TGFB1I1: variants seen among roughly 807,000 people sequenced by gnomAD.
TGFB1I1 encodes the protein transforming growth factor beta 1 induced transcript 1, also known as transforming growth factor beta-1-induced transcript 1 protein.
Under a neutral mutation model 52.0 loss-of-function variants are expected in TGFB1I1, and 33 were observed. The observed-to-expected ratio is 0.63, with a 90% confidence interval of 0.48 to 0.85. TGFB1I1 has a LOEUF of 0.85. Ranked by LOEUF, TGFB1I1 falls within the 40% of genes least tolerant of loss-of-function variation. The pLI, the probability that TGFB1I1 is intolerant of heterozygous loss-of-function variation, is 0.00. For synonymous variants in TGFB1I1, 236 were observed against 253.3 expected (o/e 0.93, Z 0.65); for missense variants, 577 against 614.9 (o/e 0.94, Z 0.65).
chr16:31,473,055 G>A, intron 1 of TGFB1I1: 1 of 332,250 alleles, frequency 3.0e-6, no homozygotes, highest in Non-Finnish European at 4.5e-6. Context: ...GGCGGGGCCT[G>A]TGTAGGTAGA....
At position 31,476,899 on chromosome 16, in the gene TGFB1I1, G is replaced by T. The variant is rs531019937; in HGVS notation, c.1008G>T (p.Arg336=). The change falls in exon 10 of 11, where the codon CGG becomes CGT. Residue 336 remains arginine (R), a synonymous_variant. Coordinates refer to ENST00000394863, the MANE Select transcript of TGFB1I1 (RefSeq NM_001042454.3). This position sits in a 1 kb window ranked among gnomAD's most constrained non-coding sequence, Gnocchi z 7.6. Reference sequence around the variant, plus strand: ...GCGAGGGCCGCCCCTACTGCCGCCGGGACTTCCTGCAGCTGTTCGCCCCGC... The same window carrying T: ...GCGAGGGCCGCCCCTACTGCCGCCGTGACTTCCTGCAGCTGTTCGCCCCGC... ...HEREGRPYCR[R]DFLQLFAPRC... 1.4e-5 allele frequency: 23 copies of T among 1,609,966 alleles called. No homozygotes were observed. The African/African-American group carries it at 2.7e-4, about 19-fold the overall frequency.
chr16:31,476,473 C>T lies in TGFB1I1; in HGVS notation c.889-8C>T, dbSNP rs749939777. 90 of 1,610,964 alleles carry T rather than the reference C, an allele frequency of 5.6e-5. 1 individual carries two copies. In the South Asian group the frequency reaches 9.9e-4, roughly 18 times the overall value. ...AGGCCGCGCTGAGTGCCCTCTCCCT[C>T]CCTGCAGAAGATGGTGACCGCCTTG... On this transcript the variant is annotated splice_polypyrimidine_tract_variant and splice_region_variant and intron_variant, in intron 8 of 10. Transcript: ENST00000394863. The surrounding 1 kb of genome is among the most constrained non-coding windows in gnomAD (Gnocchi z 7.6).
Position 31,474,815 on chromosome 16 carries a change from A to G in TGFB1I1, c.714+58A>G. On this transcript the variant is annotated intron_variant, in intron 7 of 10. Transcript: ENST00000394863. The surrounding 1 kb of genome is among the most constrained non-coding windows in gnomAD (Gnocchi z 4.2). ...ACCTGTCACAGACCCATCTTTAGTG[A>G]GAGCTGGGCTTTATGCTGTTCCCTT... 6.6e-7 allele frequency: 1 copy of G among 1,508,978 alleles called. No homozygotes were observed. The highest frequency in any genetic ancestry group is 1.2e-5 in the South Asian group (1 of 83,956). 93.5% of individuals were successfully genotyped at this position (1,508,978 alleles called of 1,614,324 possible).
chr16:31,474,754 G>A lies in TGFB1I1; in HGVS notation c.711G>A (p.Gly237=), dbSNP rs1327979429. ...GCTCCTGCAATAAACCTATTGCTGG[G>A]CAAGTAAGTGGAGCCTTGTGAGAAG... ...LCGSCNKPIA[G]QVVTALGRAW... The change falls in exon 7 of 11, where the codon GGG becomes GGA. Residue 237 remains glycine, a synonymous_variant. Transcript: ENST00000394863. This position sits in a 1 kb window ranked among gnomAD's most constrained non-coding sequence, Gnocchi z 4.2. The A allele has an allele frequency of 6.2e-7, 1 of 1,604,240 alleles. No homozygotes were observed. Among genetic ancestry groups the A allele is most frequent in the Admixed American group, 1.7e-5 (1 of 58,178 alleles).
In TGFB1I1 at chr16:31,474,210, C is replaced by A; in HGVS notation, c.384C>A (p.Asp128Glu). Residue 128 changes from aspartate (D) to glutamate (E), a missense_variant, in exon 5 of 11, where the codon GAC becomes GAA. Asp to Glu is a conservative substitution (Grantham distance 45). Coordinates refer to ENST00000394863, the MANE Select transcript of TGFB1I1 (RefSeq NM_001042454.3). The surrounding 1 kb of genome is among the most constrained non-coding windows in gnomAD (Gnocchi z 4.2). ...TGGCTTCAGGAGAGCAGAAGGAGGACCAGTCTGAAGATAAGAAAAGACCCA... is the reference window on the plus strand; with the variant it reads ...TGGCTTCAGGAGAGCAGAAGGAGGAACAGTCTGAAGATAAGAAAAGACCCA... ...SKVASGEQKE[D>E]QSEDKKRPSL... The A allele has an allele frequency of 6.2e-7, 1 of 1,614,098 alleles. No homozygotes were observed. The highest frequency in any genetic ancestry group is 1.1e-5 in the South Asian group (1 of 91,078).
Position 31,474,501 on chromosome 16 carries a change from C to A in TGFB1I1, c.519+46C>A. The A allele has an allele frequency of 6.2e-7, 1 of 1,613,632 alleles. No individual in the cohort carries two copies. Among genetic ancestry groups the A allele is most frequent in the Non-Finnish European group, 8.5e-7 (1 of 1,179,754 alleles). Reference sequence around the variant, plus strand: ...GTGTCCATTTGTGGCTCCCCAACCCCTTCTAGACAATTCCACATCTGCTGC... The same window carrying A: ...GTGTCCATTTGTGGCTCCCCAACCCATTCTAGACAATTCCACATCTGCTGC... On this transcript the variant is annotated intron_variant, in intron 6 of 10. Transcript: ENST00000394863. The surrounding 1 kb of genome is among the most constrained non-coding windows in gnomAD (Gnocchi z 4.2).
In TGFB1I1 at chr16:31,477,509, A is replaced by AG. The variant is rs1323944760; in HGVS notation, c.1323dup (p.Ser442ValfsTer?). 1.2e-6 allele frequency: 2 copies of AG among 1,609,814 alleles called. No individual in the cohort carries two copies. Among genetic ancestry groups the AG allele is most frequent in the African/African-American group, 1.3e-5 (1 of 74,894 alleles). ...ACCTTCTGCCTGCGCCCGCTCACCA[A>AG]GGGGTCCTTCCAGGAGCGCGCCGGC... On this transcript the variant is annotated frameshift_variant, in exon 11 of 11. Transcript: ENST00000394863. LOFTEE classifies it high-confidence loss of function. This position sits in a 1 kb window ranked among gnomAD's most constrained non-coding sequence, Gnocchi z 4.7.
At position 31,477,795 on chromosome 16, in the gene TGFB1I1, C is replaced by T; in HGVS notation, c.*219C>T. 6 of 618,002 alleles carry T rather than the reference C, an allele frequency of 9.7e-6. No individual in the cohort carries two copies. The highest frequency in any genetic ancestry group is 3.2e-5 in the Admixed American group (1 of 30,916). 38.3% of individuals were successfully genotyped at this position (618,002 alleles called of 1,614,324 possible). On this transcript the variant is annotated 3_prime_UTR_variant, in exon 11 of 11. Coordinates refer to ENST00000394863, the MANE Select transcript of TGFB1I1 (RefSeq NM_001042454.3). The surrounding 1 kb of genome is among the most constrained non-coding windows in gnomAD (Gnocchi z 4.7). Reference sequence around the variant, plus strand: ...TGGATTGCACACAGACAAGAACTCCCGTGCGGGCCTCCACTCTATTCCCAC... The same window carrying T: ...TGGATTGCACACAGACAAGAACTCCTGTGCGGGCCTCCACTCTATTCCCAC...
At position 31,473,876 on chromosome 16, in the gene TGFB1I1, C is replaced by G. The variant is rs371525370; in HGVS notation, c.224C>G (p.Ala75Gly). 3 of 1,614,130 alleles carry G rather than the reference C, an allele frequency of 1.9e-6. No homozygotes were observed. Among genetic ancestry groups the G allele is most frequent in the African/African-American group, 2.7e-5 (2 of 75,050 alleles). Residue 75 changes from alanine to glycine, a missense_variant, in exon 4 of 11, where the codon GCG becomes GGG. Physicochemically the swap from Ala to Gly is moderately conservative, Grantham distance 60 (BLOSUM62 0). This residue lies in a region of TGFB1I1 where 113 missense variants were observed against 123.9 expected (regional missense o/e 0.91). Transcript: ENST00000394863. ...KPRSPKPAAP[A>G]APPFSSSSGV... ...CGGTCCCCAAAGCCTGCAGCCCCGG[C>G]GGCCCCTCCATTCTCCTCTTCCAGC... is the stretch of plus-strand genomic sequence containing the variant.
chr16:31,472,391 C>T (rs1336225076), intron 1 of TGFB1I1, 190 bp downstream of exon 1: 14 of 1,070,868 alleles, frequency 1.3e-5, no homozygotes, highest in Admixed American at 4.1e-5. Flanking sequence ...GCCGGCCGCT[C>T]CCTCCCTTCT....
chr16:31,473,084 T>C, intron 1 of TGFB1I1: 1 of 542,008 alleles, frequency 1.8e-6, no homozygotes, highest in Non-Finnish European at 2.5e-6. Context: ...TTAACCAGCA[T>C]GGAAGAGAGA....
In TGFB1I1 at chr16:31,473,892, C is replaced by T; in HGVS notation, c.240C>T (p.Ser80=). Residue 80 remains serine, a synonymous_variant, in exon 4 of 11, where the codon TCC becomes TCT. Transcript: ENST00000394863. ...KPAAPAAPPF[S]SSSGVLGTGL... ...CAGCCCCGGCGGCCCCTCCATTCTC[C>T]TCTTCCAGCGGTGTCTTGGGTACCG... 1 of 1,614,150 alleles carries T rather than the reference C, an allele frequency of 6.2e-7. No individual in the cohort carries two copies. The highest frequency in any genetic ancestry group is 8.5e-7 in the Non-Finnish European group (1 of 1,180,028).
intron 1 of TGFB1I1, chr16:31,473,144 TGGAG>T: frequency 8.7e-7 from 1 of 1,150,194 alleles, no homozygotes; most frequent in Non-Finnish European, 1.1e-6. Context: ...TGGAGCAATT[TGGAG>T]GGGAGCCAAA....
Position 31,477,256 on chromosome 16 carries a change from G to A in TGFB1I1, c.1120-54G>A. On this transcript the variant is annotated intron_variant, in intron 10 of 10. Transcript: ENST00000394863. The surrounding 1 kb of genome is among the most constrained non-coding windows in gnomAD (Gnocchi z 4.7). The stretch of plus-strand genomic sequence containing the variant: ...GCGTTATCCGCTAGTAACGCGCGTT[G>A]TCTGGCAGTGGCCGCTGACCTGTCT... 1 of 1,558,442 alleles carries A rather than the reference G, an allele frequency of 6.4e-7. No homozygotes were observed. The highest frequency in any genetic ancestry group is 1.2e-5 in the South Asian group (1 of 82,138).
Position 31,473,835 on chromosome 16 carries a change from C to A in TGFB1I1, c.183C>A (p.Ser61Arg), listed in dbSNP as rs1303284685. The A allele has an allele frequency of 6.2e-7, 1 of 1,613,900 alleles. No homozygotes were observed. Among genetic ancestry groups the A allele is most frequent in the African/African-American group, 1.3e-5 (1 of 74,938 alleles). The stretch of plus-strand genomic sequence containing the variant: ...CCCAGGCTCCCACTCTGCTTCCCAG[C>A]ACGGTATGCAAGCCTCGGTCCCCAA... Reference protein sequence around the residue: ...GASGDKDHLYSTVCKPRSPKP... With the variant: ...GASGDKDHLYRTVCKPRSPKP... The change falls in exon 4 of 11, where the codon AGC becomes AGA. Residue 61 changes from serine to arginine, a missense_variant and splice_region_variant. This residue lies in a region of TGFB1I1 where 113 missense variants were observed against 123.9 expected (regional missense o/e 0.91). Transcript: ENST00000394863.
In TGFB1I1 at chr16:31,476,967, C is replaced by T; in HGVS notation, c.1076C>T (p.Ser359Leu). The T allele has an allele frequency of 6.3e-7, 1 of 1,598,156 alleles. No homozygotes were observed. The highest frequency in any genetic ancestry group is 8.5e-7 in the Non-Finnish European group (1 of 1,177,076). The change falls in exon 10 of 11, where the codon TCG becomes TTG. Residue 359 changes from serine to leucine, a missense_variant. By Grantham distance (145) the Ser-to-Leu change is moderately radical. This residue lies in a region of TGFB1I1 where 456 missense variants were observed against 461.6 expected (regional missense o/e 0.99). Transcript: ENST00000394863. The surrounding 1 kb of genome is among the most constrained non-coding windows in gnomAD (Gnocchi z 7.6). ...CQGPILDNYI[S>L]ALSALWHPDC... ...GGCCCCATCCTGGATAACTACATCT[C>T]GGCGCTCAGCGCGCTCTGGCACCCG...
At position 31,477,138 on chromosome 16, in the gene TGFB1I1, G is replaced by T. The variant is rs919781118; in HGVS notation, c.1119+128G>T. ...CCCTCGGGGGGGCGGGTCACGGGAGGTGCTGCTAGGAACCTCGGGTGGGGC... is the reference window on the plus strand; with the variant it reads ...CCCTCGGGGGGGCGGGTCACGGGAGTTGCTGCTAGGAACCTCGGGTGGGGC... On this transcript the variant is annotated intron_variant, in intron 10 of 10. Transcript: ENST00000394863. This position sits in a 1 kb window ranked among gnomAD's most constrained non-coding sequence, Gnocchi z 4.7. 6.4e-6 allele frequency: 9 copies of T among 1,405,826 alleles called. No homozygotes were observed. Among genetic ancestry groups the T allele is most frequent in the African/African-American group, 5.8e-5 (4 of 69,366 alleles). The allele number at this position is 1,405,826 out of a possible 1,614,324, so 87.1% of individuals were successfully genotyped here.
rs1000749458 is a variant in TGFB1I1 at position 31,477,152 on chromosome 16, C to T, written c.1119+142C>T. The T allele has an allele frequency of 1.2e-5, 17 of 1,420,392 alleles. No homozygotes were observed. The African/African-American group carries it at 2.1e-4, about 18-fold the overall frequency. 88.0% of individuals were successfully genotyped at this position (1,420,392 alleles called of 1,614,324 possible). The stretch of plus-strand genomic sequence containing the variant: ...GGTCACGGGAGGTGCTGCTAGGAAC[C>T]TCGGGTGGGGCGAGTTTTCCGGGCA... On this transcript the variant is annotated intron_variant, in intron 10 of 10. Transcript: ENST00000394863. This position sits in a 1 kb window ranked among gnomAD's most constrained non-coding sequence, Gnocchi z 4.7.
chr16:31,476,933 G>C lies in TGFB1I1; in HGVS notation c.1042G>C (p.Gly348Arg). Reference sequence around the variant, plus strand: ...GCAGCTGTTCGCCCCGCGCTGCCAGGGCTGCCAGGGCCCCATCCTGGATAA... The same window carrying C: ...GCAGCTGTTCGCCCCGCGCTGCCAGCGCTGCCAGGGCCCCATCCTGGATAA... Reference protein sequence around the residue: ...FLQLFAPRCQGCQGPILDNYI... With the variant: ...FLQLFAPRCQRCQGPILDNYI... The change falls in exon 10 of 11, where the codon GGC (glycine) becomes CGC (arginine). Residue 348 changes from glycine (G) to arginine (R), a missense_variant. This residue lies in a region of TGFB1I1 where 456 missense variants were observed against 461.6 expected (regional missense o/e 0.99). Transcript: ENST00000394863. The surrounding 1 kb of genome is among the most constrained non-coding windows in gnomAD (Gnocchi z 7.6). The C allele has an allele frequency of 3.1e-6, 5 of 1,606,340 alleles. No homozygotes were observed. Among genetic ancestry groups the C allele is most frequent in the South Asian group, 2.2e-5 (2 of 90,476 alleles).
Sources: gnomAD v4.1 joint callset for allele counts on GRCh38, gnomAD v4.1.1 for gene constraint, gnomAD v4.1.1 regional missense constraint, Gnocchi (gnomAD v3.1) non-coding constraint, MANE v1.5 for transcripts, NCBI Gene and HGNC (gene_info 2026-07-23, HGNC 2026-07-21) for gene names.